The following KCNH8 variants were observed in gnomAD, a reference collection of about 807,000 sequenced individuals.
The protein encoded by KCNH8 is voltage-gated delayed rectifier potassium channel KCNH8.
In KCNH8, 70 loss-of-function variants were observed where a neutral mutation model predicts 103.6. That is an observed-to-expected ratio of 0.68 (90% confidence interval 0.56 to 0.82). The LOEUF (loss-of-function observed/expected upper bound fraction) is 0.82. Ranked by LOEUF, KCNH8 falls within the 40% of genes least tolerant of loss-of-function variation. KCNH8 has a pLI of 0.00. For synonymous variants in KCNH8, 498 were observed against 489.4 expected, an observed-to-expected ratio of 1.02 and a Z score of -0.23; for missense variants, 1,217 against 1,329.9, an observed-to-expected ratio of 0.92 and a Z score of 1.32.
chr3:19,364,639 G>A (rs544183194), intron 5 of KCNH8, among the ~76,000 whole-genome samples: 2 of 152,120 alleles, frequency 1.3e-5, no homozygotes, highest in South Asian at 2.1e-4. Context: ...AAGGTAGTAA[G>A]TGTCTTATCT....
At chr3:19,477,972 T>A (rs892096482) in intron 11 of KCNH8, among the ~76,000 whole-genome samples, 1 of 152,158 alleles carries the variant, frequency 6.6e-6, no homozygotes, top group African/African-American at 2.4e-5. Context: ...TGTATGTCCA[T>A]GTATACCCAT....
At chr3:19,152,062 A>G (rs967347586) in intron 1 of KCNH8, among the ~76,000 whole-genome samples, 11 of 152,056 alleles carry the variant, frequency 7.2e-5, no homozygotes, top group African/African-American at 2.7e-4. Flanking sequence ...ACTCACTTGT[A>G]CCACTCTAAG....
intron 1 of KCNH8, among the ~76,000 whole-genome samples, chr3:19,238,531 T>C (rs2064093454): frequency 6.6e-6 from 1 of 152,220 alleles, no homozygotes. Context: ...GAATAATAAC[T>C]TTTTATGATT....
chr3:19,370,944 A>G (rs907118548), intron 5 of KCNH8, among the ~76,000 whole-genome samples: 2 of 151,886 alleles, frequency 1.3e-5, no homozygotes, highest in Non-Finnish European at 2.9e-5. Flanking sequence ...TGAACTCATC[A>G]TTTTTTATGG....
chr3:19,183,074 G>A (rs1484798934), intron 1 of KCNH8, among the ~76,000 whole-genome samples: 5 of 152,176 alleles, frequency 3.3e-5, no homozygotes, highest in Admixed American at 1.3e-4. Context: ...AAAATGTACA[G>A]TTAATATATT....
chr3:19,428,982 C>T (rs934576713), intron 7 of KCNH8, among the ~76,000 whole-genome samples: 3 of 152,102 alleles, frequency 2.0e-5, no homozygotes, highest in African/African-American at 7.2e-5. Context: ...CTTTAGGTCT[C>T]TCTCAGACAA....
chr3:19,237,686 A>G (rs1006693786), intron 1 of KCNH8, among the ~76,000 whole-genome samples: 3 of 152,130 alleles, frequency 2.0e-5, no homozygotes, highest in African/African-American at 7.2e-5. Context: ...TGAAAATAGC[A>G]AGACTGAGAA....
chr3:19,426,638 T>C (rs1475461231), intron 7 of KCNH8, among the ~76,000 whole-genome samples: 1 of 151,550 alleles, frequency 6.6e-6, no homozygotes. Flanking sequence ...GTTTAAATAT[T>C]AGAGTGGATA....
In KCNH8 at chr3:19,193,166, T is replaced by C. The variant is rs1475856381; in HGVS notation, c.76+44371T>C. On this transcript the variant is annotated intron_variant, in intron 1 of 15. Transcript: ENST00000328405. ...TTTTAGATTTTCAAATACATGCCATTTAATAGTTTAAAAAATATTAAAGTA... is the reference window on the plus strand; with the variant it reads ...TTTTAGATTTTCAAATACATGCCATCTAATAGTTTAAAAAATATTAAAGTA... Among the ~76,000 whole-genome samples, 9 of 151,838 alleles carry C rather than the reference T, an allele frequency of 5.9e-5. No homozygotes were observed. The South Asian group carries it at 1.9e-3, about 31-fold the overall frequency.
intron 5 of KCNH8, among the ~76,000 whole-genome samples, chr3:19,349,121 G>A (rs1398769719): frequency 2.0e-5 from 3 of 151,730 alleles, no homozygotes; most frequent in Non-Finnish European, 4.4e-5. Flanking sequence ...GTGTGTTTAG[G>A]CCACTAGATG....
chr3:19,218,699 A>C (rs1419033615), intron 1 of KCNH8, among the ~76,000 whole-genome samples: 1 of 152,222 alleles, frequency 6.6e-6, no homozygotes, highest in Non-Finnish European at 1.5e-5. Flanking sequence ...TCATGGTTCC[A>C]GAAGCTGAAG....
intron 3 of KCNH8, among the ~76,000 whole-genome samples, chr3:19,330,810 C>G (rs2065494669): frequency 6.6e-6 from 1 of 152,152 alleles, no homozygotes; most frequent in African/African-American, 2.4e-5. Flanking sequence ...TTCCTCATAA[C>G]TTATTTAAAT....
At chr3:19,498,181 T>C (rs556912738) in intron 11 of KCNH8, among the ~76,000 whole-genome samples, 1 of 152,292 alleles carries the variant, frequency 6.6e-6, no homozygotes, top group East Asian at 1.9e-4. Context: ...GGTGTATTGC[T>C]TCTTTCTCCG....
intron 10 of KCNH8, among the ~76,000 whole-genome samples, chr3:19,452,467 A>G (rs894841635): frequency 1.3e-5 from 2 of 152,146 alleles, no homozygotes; most frequent in Non-Finnish European, 2.9e-5. Context: ...GTACTGGTCT[A>G]AACAGTGATA....
intron 2 of KCNH8, among the ~76,000 whole-genome samples, chr3:19,254,711 T>C (rs1419252081): frequency 6.6e-6 from 1 of 152,136 alleles, no homozygotes; most frequent in Admixed American, 6.6e-5. Context: ...AAATTCTCAT[T>C]TTTTCTTCAA....
At chr3:19,522,358 G>C (rs779719488) in intron 15 of KCNH8, among the ~76,000 whole-genome samples, 6 of 151,622 alleles carry the variant, frequency 4.0e-5, no homozygotes, top group African/African-American at 7.3e-5. Context: ...AAGCCAAAAG[G>C]CTTGGGACTC....
intron 7 of KCNH8, among the ~76,000 whole-genome samples, chr3:19,408,074 T>C (rs2066722319): frequency 6.6e-6 from 1 of 152,062 alleles, no homozygotes; most frequent in Non-Finnish European, 1.5e-5. Flanking sequence ...AGTGCATTGG[T>C]TGAGGCAACA....
rs751850908 is a variant in KCNH8 at position 19,451,197 on chromosome 3, A to G, written c.1618A>G (p.Met540Val). 16 of 1,613,608 alleles carry G rather than the reference A, an allele frequency of 9.9e-6. No individual in the cohort carries two copies. Among genetic ancestry groups the G allele is most frequent in the Middle Eastern group, 1.6e-4 (1 of 6,080 alleles). ...AGATGAACTGCGTTCTGACATCACT[A>G]TGCACTTGAACAAGGAGATCTTACA... ...FPDELRSDIT[M>V]HLNKEILQLS... Residue 540 changes from methionine (M) to valine (V), a missense_variant, in exon 10 of 16, where the codon ATG becomes GTG. Transcript: ENST00000328405.
chr3:19,223,149 A>T (rs2063894104), intron 1 of KCNH8, among the ~76,000 whole-genome samples: 1 of 152,182 alleles, frequency 6.6e-6, no homozygotes, highest in Admixed American at 6.5e-5. Flanking sequence ...ATTATTATTT[A>T]ATACTTGGGA....
Sources: gnomAD v4.1 joint callset for allele counts (sites outside exome capture counted in the v4.1 genomes callset) on GRCh38, gnomAD v4.1.1 for gene constraint, MANE v1.5 for transcripts, NCBI Gene and HGNC (gene_info 2026-07-23, HGNC 2026-07-21) for gene names.